Variants in PPP4C observed in about 807,000 individuals in gnomAD.
PPP4C encodes serine/threonine-protein phosphatase 4 catalytic subunit.
Under a neutral mutation model 40.5 loss-of-function variants are expected in PPP4C, and 10 were observed. That is an observed-to-expected ratio of 0.25 (90% CI 0.15 to 0.42). The LOEUF is 0.42. Among genes scored for constraint, PPP4C ranks in the 10% least tolerant of loss-of-function variants. The pLI is 1.00. For missense variants in PPP4C, 191 were observed against 416.4 expected (o/e 0.46, Z 4.71); for synonymous variants, 187 against 163.6 (o/e 1.14, Z -1.09).
chr16:30,078,977 G>A, intron 2 of PPP4C, among the ~76,000 whole-genome samples: 1 of 152,160 alleles, frequency 6.6e-6, no homozygotes, highest in East Asian at 1.9e-4. Context: ...TGATTCCCAG[G>A]CCACACTGGG....
chr16:30,076,141 G>A, intron 1 of PPP4C, 47 bp downstream of exon 1: 1 of 569,160 alleles, frequency 1.8e-6, no homozygotes, highest in Non-Finnish European at 3.1e-6. Flanking sequence ...GCGCGGGACC[G>A]CGGGGTTCGA....
At chr16:30,077,935 A>G (rs1196318303) in intron 2 of PPP4C, among the ~76,000 whole-genome samples, 2 of 152,216 alleles carry the variant, frequency 1.3e-5, no homozygotes, top group Non-Finnish European at 2.9e-5. Flanking sequence ...TGAGGGGATG[A>G]TGAGCAGGGT....
rs1596845062 is a variant in PPP4C at position 30,085,180 on chromosome 16, A to G, written c.*118A>G. On this transcript the variant is annotated 3_prime_UTR_variant, in exon 9 of 9. Transcript: ENST00000279387. Reference sequence around the variant, plus strand: ...GCTGTCCTGGCTCTGCTGTCCCCCAAGAGGGTGCTTCGAGGGTGAGGACTT... The same window carrying G: ...GCTGTCCTGGCTCTGCTGTCCCCCAGGAGGGTGCTTCGAGGGTGAGGACTT... 2 of 1,354,580 alleles carry G rather than the reference A, an allele frequency of 1.5e-6. No individual in the cohort carries two copies. Among genetic ancestry groups the G allele is most frequent in the East Asian group, 4.6e-5 (2 of 43,214 alleles). 83.9% of individuals were successfully genotyped at this position (1,354,580 alleles called of 1,614,324 possible).
In PPP4C at chr16:30,083,658, T is replaced by A. The variant is rs1391013954; in HGVS notation, c.481T>A (p.Phe161Ile). The change falls in exon 7 of 9, where the codon TTC becomes ATC. Residue 161 changes from phenylalanine (F) to isoleucine (I), a missense_variant. By Grantham distance (21) the Phe-to-Ile change is conservative (BLOSUM62 0). Transcript: ENST00000279387. This position sits in a 1 kb window ranked among gnomAD's most constrained non-coding sequence, Gnocchi z 6.3. ...SLSAIIDGKI[F>I]CVHGGLSPSI... ...CTTTCCCTGCTCTCCCCTGTAGATC[T>A]TCTGCGTGCACGGGGGCCTCTCCCC... 6.2e-7 allele frequency: 1 copy of A among 1,614,168 alleles called. No individual in the cohort carries two copies. The highest frequency in any genetic ancestry group is 1.7e-5 in the Admixed American group (1 of 60,024).
intron 7 of PPP4C, 49 bp from the exon 8 acceptor site, chr16:30,084,617 C>A: frequency 1.3e-6 from 2 of 1,568,802 alleles, no homozygotes; most frequent in South Asian, 1.1e-5. Context: ...GCGCTGGCAG[C>A]CAGAGAAGCC....
Position 30,083,003 on chromosome 16 carries a change from T to A in PPP4C, c.303+156T>A. 1 of 665,034 alleles carries A rather than the reference T, an allele frequency of 1.5e-6. No individual in the cohort carries two copies. Among genetic ancestry groups the A allele is most frequent in the Non-Finnish European group, 2.5e-6 (1 of 393,086 alleles). 41.2% of individuals were successfully genotyped at this position (665,034 alleles called of 1,614,324 possible). ...CTGCTTTTGGGGGTGGTCAGAGACT[T>A]GATGGGGGTTGAGGCCAGCGGGGCA... On this transcript the variant is annotated intron_variant, in intron 5 of 8. Transcript: ENST00000279387. This position sits in a 1 kb window ranked among gnomAD's most constrained non-coding sequence, Gnocchi z 6.3.
At chr16:30,077,879 G>T (rs1302130791) in intron 2 of PPP4C, among the ~76,000 whole-genome samples, 1 of 152,194 alleles carries the variant, frequency 6.6e-6, no homozygotes, top group African/African-American at 2.4e-5. Context: ...CAGGCTCTTT[G>T]CCTGGCCCTG....
chr16:30,079,727 C>T (rs1416415769), intron 2 of PPP4C, among the ~76,000 whole-genome samples: 1 of 152,186 alleles, frequency 6.6e-6, no homozygotes, highest in Non-Finnish European at 1.5e-5. Context: ...ATAAGTGAAT[C>T]CTCCTGTCCA....
chr16:30,083,301 TGAG>T lies in PPP4C; in HGVS notation c.304-90_304-88del. 2.1e-6 allele frequency: 3 copies of T among 1,420,838 alleles called. No individual in the cohort carries two copies. In the South Asian group the frequency reaches 3.8e-5, roughly 18 times the overall value. The allele number at this position is 1,420,838 out of a possible 1,614,324, so 88.0% of individuals were successfully genotyped here. A position where few individuals can be genotyped will look rare whatever the true frequency, so the allele number is the denominator to read the frequency against. On this transcript the variant is annotated intron_variant, in intron 5 of 8. Coordinates refer to ENST00000279387, the MANE Select transcript of PPP4C (RefSeq NM_002720.3). This position sits in a 1 kb window ranked among gnomAD's most constrained non-coding sequence, Gnocchi z 6.3. Reference sequence around the variant, plus strand: ...CCAGGAGTGTGCTGGGCAGTGGTTGTGAGGATGGCAGGCTGGCGGGCACGAGGA... The same window carrying T: ...CCAGGAGTGTGCTGGGCAGTGGTTGTGATGGCAGGCTGGCGGGCACGAGGA...
Position 30,085,006 on chromosome 16 carries a change from C to T in PPP4C, c.868C>T (p.Pro290Ser). 1 of 1,614,194 alleles carries T rather than the reference C, an allele frequency of 6.2e-7. No individual in the cohort carries two copies. The highest frequency in any genetic ancestry group is 8.5e-7 in the Non-Finnish European group (1 of 1,180,038). The change falls in exon 9 of 9, where the codon CCC (proline) becomes TCC (serine). Residue 290 changes from proline to serine, a missense_variant. Coordinates refer to ENST00000279387, the MANE Select transcript of PPP4C (RefSeq NM_002720.3). ...AGATTTCATCATCTTTGAGGCTGCT[C>T]CCCAAGAGACACGGGGCATCCCCTC... ...QKDFIIFEAAPQETRGIPSKK... is the reference protein window; with the variant it reads ...QKDFIIFEAASQETRGIPSKK...
chr16:30,076,982 C>T (rs190363987), intron 2 of PPP4C, among the ~76,000 whole-genome samples: 52 of 152,224 alleles, frequency 3.4e-4, no homozygotes, highest in Non-Finnish European at 5.9e-4. Context: ...GGTCTGAAGC[C>T]AGCTCTTAGT....
intron 2 of PPP4C, among the ~76,000 whole-genome samples, chr16:30,076,867 T>C (rs768311629): frequency 2.0e-5 from 3 of 152,170 alleles, no homozygotes; most frequent in Non-Finnish European, 4.4e-5. Flanking sequence ...ACCCTGTGAT[T>C]TATAAAAGTC....
rs1362830139 is a variant in PPP4C at position 30,085,008 on chromosome 16, C to T, written c.870C>T (p.Pro290=). ...QKDFIIFEAA[P]QETRGIPSKK... ...ATTTCATCATCTTTGAGGCTGCTCC[C>T]CAAGAGACACGGGGCATCCCCTCCA... Residue 290 remains proline, a synonymous_variant, in exon 9 of 9, where the codon CCC becomes CCT. Coordinates refer to ENST00000279387, the MANE Select transcript of PPP4C (RefSeq NM_002720.3). The T allele has an allele frequency of 5.6e-6, 9 of 1,614,192 alleles. No individual in the cohort carries two copies. Among genetic ancestry groups the T allele is most frequent in the Non-Finnish European group, 5.9e-6 (7 of 1,180,030 alleles).
rs1379367764 is a variant in PPP4C at position 30,081,850 on chromosome 16, C to G, written c.150+540C>G. Among the ~76,000 whole-genome samples the G allele has an allele frequency of 3.9e-5, 6 of 151,980 alleles. No individual in the cohort carries two copies. The East Asian group carries it at 7.8e-4, about 20-fold the overall frequency. ...CAGGTGGATCATGAGGTCAGGAGAT[C>G]GAGACCATCCTGGCTAACATGGTGA... On this transcript the variant is annotated intron_variant, in intron 3 of 8. Transcript: ENST00000279387.
At chr16:30,081,149 C>T (rs1393656845) in intron 2 of PPP4C, 110 bp from the exon 3 acceptor site, 3 of 1,477,930 alleles carry the variant, frequency 2.0e-6, no homozygotes, top group Non-Finnish European at 2.8e-6. Flanking sequence ...TTCACTCCTG[C>T]CCCCTGGAGC....
rs748939227 is a variant in PPP4C, at chr16:30,083,435, T to C, written c.345T>C (p.His115=). The change falls in exon 6 of 9, where the codon CAT becomes CAC. Residue 115 remains histidine (H), a synonymous_variant. Transcript: ENST00000279387. The surrounding 1 kb of genome is among the most constrained non-coding windows in gnomAD (Gnocchi z 6.3). ...GCATCACACTGATCCGGGGCAACCA[T>C]GAGAGTCGCCAGATCACGCAGGTCT... The part of the protein sequence containing the change: ...PDRITLIRGN[H]ESRQITQVYG... 4 of 1,613,992 alleles carry C rather than the reference T, an allele frequency of 2.5e-6. No homozygotes were observed. In the South Asian group the frequency reaches 4.4e-5, roughly 18 times the overall value.
chr16:30,082,950 G>A (rs775870700), intron 5 of PPP4C, 103 bp downstream of exon 5: 41 of 1,020,852 alleles, frequency 4.0e-5, no homozygotes, highest in Non-Finnish European at 6.0e-5. Flanking sequence ...CCCCACCTTG[G>A]AGCTGTGTCA....
chr16:30,076,237 G>A (rs947140647), intron 1 of PPP4C, 78 bp from the exon 2 acceptor site: 1 of 838,352 alleles, frequency 1.2e-6, no homozygotes. Flanking sequence ...GGGGGAGCCG[G>A]GCCGGCTCTA....
At chr16:30,081,073 G>T (rs2072496342) in intron 2 of PPP4C, 186 bp from the exon 3 acceptor site, 1 of 707,332 alleles carries the variant, frequency 1.4e-6, no homozygotes, top group East Asian at 2.7e-5. Flanking sequence ...TTTGGCAGCA[G>T]GGGGCCACGG....
Sources: gnomAD v4.1 joint callset for allele counts (sites outside exome capture counted in the v4.1 genomes callset) on GRCh38, gnomAD v4.1.1 for gene constraint, Gnocchi (gnomAD v3.1) non-coding constraint, MANE v1.5 for transcripts, NCBI Gene and HGNC (gene_info 2026-07-23, HGNC 2026-07-21) for gene names.